MYO1H: variants seen among roughly 807,000 people sequenced by gnomAD.
MYO1H encodes myosin IH, also known as unconventional myosin-Ih.
In MYO1H, 118 loss-of-function variants were observed where a neutral mutation model predicts 149.3. The ratio of observed to expected loss-of-function variants is 0.79; its 90% CI spans 0.68 to 0.92. The LOEUF is 0.92. Ranked by LOEUF, MYO1H falls within the 40% of genes least tolerant of loss-of-function variation. The probability of loss-of-function intolerance (pLI) is 0.00; values close to 1 mark genes in which losing one functional copy is unlikely to be tolerated. For missense variants in MYO1H, 1,212 were observed against 1,280.7 expected, an observed-to-expected ratio of 0.95 and a Z score of 0.82; for synonymous variants, 447 against 465.2, an observed-to-expected ratio of 0.96 and a Z score of 0.50.
intron 5 of MYO1H, among the ~76,000 whole-genome samples, chr12:109,400,700 C>A: frequency 6.6e-6 from 1 of 152,142 alleles, no homozygotes; most frequent in South Asian, 2.1e-4. Flanking sequence ...AGCTGATTTA[C>A]AACGAAACCA....
chr12:109,316,624 A>G, the MYO1H span, among the ~76,000 whole-genome samples: 1 of 152,234 alleles, frequency 6.6e-6, no homozygotes, highest in African/African-American at 2.4e-5. Context: ...TTAATCCCAT[A>G]GGGATGGGGT....
the MYO1H span, among the ~76,000 whole-genome samples, chr12:109,318,981 T>TG: frequency 6.0e-5 from 3 of 49,672 alleles, no homozygotes; most frequent in East Asian, 6.7e-4. Flanking sequence ...TGTTTTTTTT[T>TG]TTTTTTTTTT....
chr12:109,428,941 C>A (rs1197810376), intron 19 of MYO1H, among the ~76,000 whole-genome samples: 2 of 152,160 alleles, frequency 1.3e-5, no homozygotes, highest in African/African-American at 2.4e-5. Flanking sequence ...GGGCATGTTG[C>A]CTCACACCTG....
At chr12:109,403,388 A>C (rs1870245631) in intron 6 of MYO1H, among the ~76,000 whole-genome samples, 2 of 152,270 alleles carry the variant, frequency 1.3e-5, no homozygotes, top group Non-Finnish European at 2.9e-5. Flanking sequence ...CCTGTACCAC[A>C]AAAGCAAAAT....
At chr12:109,335,853 A>G in the MYO1H span, among the ~76,000 whole-genome samples, 1 of 152,166 alleles carries the variant, frequency 6.6e-6, no homozygotes, top group South Asian at 2.1e-4. Flanking sequence ...TAATAAATCA[A>G]TAGGCAATTT....
At chr12:109,384,785 C>T (rs1369992501) in intron 1 of MYO1H, among the ~76,000 whole-genome samples, 2 of 152,150 alleles carry the variant, frequency 1.3e-5, no homozygotes, top group African/African-American at 2.4e-5. Flanking sequence ...ACCCCACCCT[C>T]CCATCCTTAG....
chr12:109,332,743 A>G, the MYO1H span, among the ~76,000 whole-genome samples: 1 of 152,098 alleles, frequency 6.6e-6, no homozygotes, highest in East Asian at 1.9e-4. Flanking sequence ...ATAGCTGGCT[A>G]ATAATTAAAA....
rs199880897 is a variant in MYO1H, at chr12:109,443,344, A to ATG, written c.2689-164_2689-163dup. 1.0e-4 allele frequency among the ~76,000 whole-genome samples: 13 copies of ATG among 129,548 alleles called. 2 individuals carry two copies. The highest frequency in any genetic ancestry group is 1.9e-4 in the Non-Finnish European group (12 of 63,228). 85.0% of individuals were successfully genotyped at this position (129,548 alleles called of 152,430 possible). A position where few individuals can be genotyped will look rare whatever the true frequency, so the allele number is the denominator to read the frequency against. ...TGTGTGTATGTATGTGTACGTATAT[A>ATG]TGTGTGTATATACACACACACACAC... On this transcript the variant is annotated intron_variant, in intron 27 of 31. Transcript: ENST00000310903.
intron 1 of MYO1H, among the ~76,000 whole-genome samples, chr12:109,354,802 A>G (rs1319128695): frequency 1.3e-5 from 2 of 152,150 alleles, no homozygotes; most frequent in African/African-American, 4.8e-5. Flanking sequence ...ACAGAAAAAA[A>G]TATGTTTCTT....
chr12:109,313,885 T>C, the MYO1H span, among the ~76,000 whole-genome samples: 11 of 152,176 alleles, frequency 7.2e-5, no homozygotes, highest in Non-Finnish European at 1.2e-4. Flanking sequence ...TTTGGAGTTT[T>C]TTGTTTCTCG....
At chr12:109,374,017 T>C (rs1869041823) in intron 1 of MYO1H, among the ~76,000 whole-genome samples, 1 of 152,104 alleles carries the variant, frequency 6.6e-6, no homozygotes, top group Non-Finnish European at 1.5e-5. Context: ...TAATTTTGCT[T>C]ATTTGGGGCC....
rs949960232 is a variant in MYO1H, at chr12:109,432,826, G to A, written c.1950-71G>A. On this transcript the variant is annotated intron_variant, in intron 19 of 31. Coordinates refer to ENST00000310903, the Ensembl canonical transcript of MYO1H. ...CACAGCAGTGCTCAGCAGGCCTCTGGGGCCGGGGATGTGGGGGAGGGCTAG... is the reference window on the plus strand; with the variant it reads ...CACAGCAGTGCTCAGCAGGCCTCTGAGGCCGGGGATGTGGGGGAGGGCTAG... The A allele has an allele frequency of 4.6e-6, 6 of 1,313,028 alleles. No individual in the cohort carries two copies. In the African/African-American group the frequency reaches 8.7e-5, roughly 19 times the overall value. 81.3% of individuals were successfully genotyped at this position (1,313,028 alleles called of 1,614,324 possible).
chr12:109,315,017 G>C, the MYO1H span, among the ~76,000 whole-genome samples: 4 of 152,124 alleles, frequency 2.6e-5, no homozygotes, highest in Admixed American at 2.6e-4. Context: ...TAGGAGGATC[G>C]CTTGAGCCCG....
At chr12:109,364,817 A>C (rs1868834722) in intron 1 of MYO1H, among the ~76,000 whole-genome samples, 2 of 152,196 alleles carry the variant, frequency 1.3e-5, no homozygotes, top group African/African-American at 4.8e-5. Context: ...CAAAATTTAC[A>C]ATGCTACCTC....
chr12:109,436,316 A>G (rs1401724130), intron 21 of MYO1H, among the ~76,000 whole-genome samples, 172 bp from the exon 22 acceptor site: 2 of 152,130 alleles, frequency 1.3e-5, no homozygotes, highest in Non-Finnish European at 2.9e-5. Context: ...GCCAGGCGTC[A>G]TGTAACCAGC....
chr12:109,346,883 ATATTACC>A (rs1303846870), upstream of MYO1H, among the ~76,000 whole-genome samples: 6 of 152,232 alleles, frequency 3.9e-5, no homozygotes, highest in African/African-American at 1.4e-4. Flanking sequence ...AGGATATGTT[ATATTACC>A]TATTCAGTTA....
At chr12:109,446,728 C>CA (rs1872497141) in intron 31 of MYO1H, among the ~76,000 whole-genome samples, 1 of 152,220 alleles carries the variant, frequency 6.6e-6, no homozygotes, top group Non-Finnish European at 1.5e-5. Context: ...CGCACCACTA[C>CA]ACTCCAGCCT....
intron 1 of MYO1H, among the ~76,000 whole-genome samples, chr12:109,354,950 C>T (rs1868555353): frequency 2.0e-5 from 3 of 152,162 alleles, no homozygotes; most frequent in African/African-American, 7.2e-5. Flanking sequence ...GGCCTGTCCT[C>T]CTTGGCAAGG....
At chr12:109,328,059 C>T in the MYO1H span, among the ~76,000 whole-genome samples, 38 of 151,084 alleles carry the variant, frequency 2.5e-4, no homozygotes, top group African/African-American at 9.2e-4. Context: ...ATCGTAGCTG[C>T]TTCACTATTG....
Sources: gnomAD v4.1 joint callset for allele counts (sites outside exome capture counted in the v4.1 genomes callset) on GRCh38, gnomAD v4.1.1 for gene constraint, MANE v1.5 for transcripts, NCBI Gene and HGNC (gene_info 2026-07-23, HGNC 2026-07-21) for gene names.